TMEFF1: variants seen among roughly 807,000 people sequenced by gnomAD.
The protein encoded by TMEFF1 is tomoregulin-1.
TMEFF1 carries 20 observed loss-of-function variants against 47.5 expected under a neutral mutation model. That is an observed-to-expected ratio of 0.42 (90% CI 0.30 to 0.61). TMEFF1 has a LOEUF of 0.61. Ranked by LOEUF, TMEFF1 falls within the 20% of genes least tolerant of loss-of-function variation. TMEFF1 has a pLI of 0.19. For synonymous variants in TMEFF1, 162 were observed against 166.3 expected (o/e 0.97, Z 0.20); for missense variants, 411 against 471.1 (o/e 0.87, Z 1.18).
chr9:100,533,228 TAAAGTA>T (rs1001033154), intron 5 of TMEFF1, among the ~76,000 whole-genome samples: 7 of 152,180 alleles, frequency 4.6e-5, no homozygotes, highest in African/African-American at 1.7e-4. Flanking sequence ...CCGTAGAACT[TAAAGTA>T]TAATAATAAA....
chr9:100,478,461 G>A (rs1476333897), intron 1 of TMEFF1, among the ~76,000 whole-genome samples: 2 of 152,020 alleles, frequency 1.3e-5, no homozygotes, highest in Non-Finnish European at 2.9e-5. Context: ...CTACAGGTGC[G>A]TGCCACCACA....
chr9:100,523,260 G>A lies in TMEFF1; in HGVS notation c.560+6489G>A, dbSNP rs552207216. ...ATTCCTCCTTCTAGCCTTAGATGCCGTGTGACTTAGGTCAGATTCACCACC... is the reference window on the plus strand; with the variant it reads ...ATTCCTCCTTCTAGCCTTAGATGCCATGTGACTTAGGTCAGATTCACCACC... On this transcript the variant is annotated intron_variant, in intron 5 of 9. Coordinates refer to ENST00000374879, the MANE Select transcript of TMEFF1 (RefSeq NM_003692.5). 5.9e-5 allele frequency among the ~76,000 whole-genome samples: 9 copies of A among 152,164 alleles called. No individual in the cohort carries two copies. In the South Asian group the frequency reaches 1.2e-3, roughly 21 times the overall value.
intron 8 of TMEFF1, among the ~76,000 whole-genome samples, chr9:100,572,070 T>G (rs920147154): frequency 6.6e-6 from 1 of 152,142 alleles, no homozygotes; most frequent in African/African-American, 2.4e-5. Context: ...TAACAGGCCA[T>G]GGACCAATAT....
At chr9:100,562,695 G>A (rs150412747) in intron 8 of TMEFF1, among the ~76,000 whole-genome samples, 66 of 151,332 alleles carry the variant, frequency 4.4e-4, no homozygotes, top group Admixed American at 4.6e-4. Context: ...TTGCTCTGTC[G>A]CCCAGACTGG....
Position 100,577,035 on chromosome 9 carries a change from G to C in TMEFF1, c.*435G>C, listed in dbSNP as rs1839364657. Reference sequence around the variant, plus strand: ...TTTAAATAGATATTTAAATGTTTTTGAGATTTAGTAACTGATTTTTTAGAC... The same window carrying C: ...TTTAAATAGATATTTAAATGTTTTTCAGATTTAGTAACTGATTTTTTAGAC... On this transcript the variant is annotated 3_prime_UTR_variant, in exon 10 of 10. Coordinates refer to ENST00000374879, the MANE Select transcript of TMEFF1 (RefSeq NM_003692.5). The C allele has an allele frequency of 6.5e-6, 1 of 154,064 alleles. No homozygotes were observed. The highest frequency in any genetic ancestry group is 2.0e-4 in the South Asian group (1 of 4,920). 9.5% of individuals were successfully genotyped at this position (154,064 alleles called of 1,614,324 possible).
chr9:100,531,163 T>G (rs1838369044), intron 5 of TMEFF1, among the ~76,000 whole-genome samples: 2 of 152,178 alleles, frequency 1.3e-5, no homozygotes, highest in African/African-American at 4.8e-5. Flanking sequence ...AGCATTCCCT[T>G]TGAAAACGGG....
intron 2 of TMEFF1, among the ~76,000 whole-genome samples, chr9:100,505,065 G>A (rs938478131): frequency 6.6e-6 from 1 of 152,044 alleles, no homozygotes; most frequent in African/African-American, 2.4e-5. Context: ...TACCATAGAA[G>A]AAAATACAGT....
At chr9:100,527,605 C>G (rs577685279) in intron 5 of TMEFF1, among the ~76,000 whole-genome samples, 1 of 152,162 alleles carries the variant, frequency 6.6e-6, no homozygotes, top group Non-Finnish European at 1.5e-5. Context: ...CATATAGTCT[C>G]GCTGATGGCT....
intron 3 of TMEFF1, among the ~76,000 whole-genome samples, chr9:100,511,198 C>G (rs1268065486): frequency 6.6e-6 from 1 of 152,116 alleles, no homozygotes; most frequent in Non-Finnish European, 1.5e-5. Flanking sequence ...ACAAAATGAT[C>G]TAGAAATTAA....
Position 100,485,047 on chromosome 9 carries a change from A to G in TMEFF1, c.196+11307A>G, listed in dbSNP as rs141569069. On this transcript the variant is annotated intron_variant, in intron 1 of 9. Transcript: ENST00000374879. ...CATATAAATGGAATCATACAATATG[A>G]CCTTTTATAATTGGCTTCTTTCTCT... is the stretch of plus-strand genomic sequence containing the variant. Among the ~76,000 whole-genome samples the G allele has an allele frequency of 2.5e-3, 380 of 152,232 alleles. 2 individuals are homozygous for G. The highest frequency in any genetic ancestry group is 0.018 in the South Asian group (88 of 4,816).
chr9:100,515,962 C>T (rs1033495662), intron 4 of TMEFF1, among the ~76,000 whole-genome samples: 2 of 152,096 alleles, frequency 1.3e-5, no homozygotes, highest in African/African-American at 2.4e-5. Flanking sequence ...TAGTTGAGAC[C>T]CACAAAGTGT....
At chr9:100,522,878 G>T (rs1292883342) in intron 5 of TMEFF1, among the ~76,000 whole-genome samples, 1 of 152,110 alleles carries the variant, frequency 6.6e-6, no homozygotes, top group Admixed American at 6.5e-5. Context: ...GGGACCACAG[G>T]TGCCCGCCAC....
intron 2 of TMEFF1, among the ~76,000 whole-genome samples, chr9:100,503,936 T>C (rs538033783): frequency 6.6e-6 from 1 of 152,316 alleles, no homozygotes; most frequent in African/African-American, 2.4e-5. Context: ...CAAGTTGACA[T>C]AGAAAATTAA....
At chr9:100,521,575 T>C (rs1285911897) in intron 5 of TMEFF1, among the ~76,000 whole-genome samples, 1 of 152,222 alleles carries the variant, frequency 6.6e-6, no homozygotes, top group African/African-American at 2.4e-5. Context: ...ACAGTATTTC[T>C]AATCTGTCCA....
At chr9:100,519,750 C>T (rs1280558735) in intron 5 of TMEFF1, among the ~76,000 whole-genome samples, 3 of 145,426 alleles carry the variant, frequency 2.1e-5, no homozygotes, top group Non-Finnish European at 4.5e-5. Context: ...GTCTTGGTCA[C>T]TCTGAGTACT....
intron 1 of TMEFF1, among the ~76,000 whole-genome samples, chr9:100,482,054 C>T (rs548557454): frequency 2.6e-5 from 4 of 151,984 alleles, no homozygotes; most frequent in Non-Finnish European, 5.9e-5. Context: ...GAATTACAGG[C>T]GTGAGCCACT....
chr9:100,549,300 G>A lies in TMEFF1; in HGVS notation c.710-795G>A, dbSNP rs117511911. ...TGTCATGCACTTTTGTAAACAACTAGGTCTTGTGAGAACTCACTCACTATT... is the reference window on the plus strand; with the variant it reads ...TGTCATGCACTTTTGTAAACAACTAAGTCTTGTGAGAACTCACTCACTATT... On this transcript the variant is annotated intron_variant, in intron 6 of 9. Coordinates refer to ENST00000374879, the MANE Select transcript of TMEFF1 (RefSeq NM_003692.5). 4.2e-3 allele frequency among the ~76,000 whole-genome samples: 640 copies of A among 152,212 alleles called. 9 individuals are homozygous for A. The highest frequency in any genetic ancestry group is 0.033 in the East Asian group (172 of 5,142).
intron 1 of TMEFF1, among the ~76,000 whole-genome samples, chr9:100,493,079 C>A (rs982457433): frequency 2.0e-5 from 3 of 151,926 alleles, no homozygotes; most frequent in Non-Finnish European, 2.9e-5. Context: ...CCCCTTCCCC[C>A]CTCTCCCCCC....
chr9:100,493,288 A>G (rs1164298902), intron 1 of TMEFF1, among the ~76,000 whole-genome samples: 2 of 152,192 alleles, frequency 1.3e-5, no homozygotes, highest in African/African-American at 2.4e-5. Flanking sequence ...TGTAACATCT[A>G]ATGAAGTTTA....
Sources: allele counts gnomAD v4.1 joint callset (sites outside exome capture counted in the v4.1 genomes callset), GRCh38; gene constraint gnomAD v4.1.1; transcripts MANE v1.5; gene names NCBI Gene and HGNC (gene_info 2026-07-23, HGNC 2026-07-21).